The following PPP2R2C variants were observed in gnomAD, a reference collection of about 807,000 sequenced individuals.
PPP2R2C encodes protein phosphatase 2 regulatory subunit Bgamma, also known as protein phosphatase 2, regulatory subunit B, gamma.
PPP2R2C carries 10 observed loss-of-function variants against 45.3 expected under a neutral mutation model. The observed-to-expected ratio is 0.22, with a 90% CI of 0.14 to 0.37. The LOEUF is 0.37. PPP2R2C is among the 10% of genes least tolerant of loss of function. PPP2R2C has a pLI of 1.00. For synonymous variants in PPP2R2C, 257 were observed against 245.4 expected (o/e 1.05, Z -0.44); for missense variants, 308 against 619.7 (o/e 0.50, Z 5.34).
At chr4:6,379,085 C>G (rs545546474) in intron 2 of PPP2R2C, among the ~76,000 whole-genome samples, 2 of 152,074 alleles carry the variant, frequency 1.3e-5, no homozygotes, top group African/African-American at 4.8e-5. Flanking sequence ...CTGGATTCCA[C>G]GTGTCCAACT....
At chr4:6,417,160 C>T (rs943430849) in intron 1 of PPP2R2C, among the ~76,000 whole-genome samples, 1 of 152,172 alleles carries the variant, frequency 6.6e-6, no homozygotes, top group South Asian at 2.1e-4. Context: ...ACGGGTCCAG[C>T]CCCTGGGCGG....
chr4:6,528,093 T>G (rs1270083072), intron 2 of PPP2R2C, among the ~76,000 whole-genome samples: 2 of 152,248 alleles, frequency 1.3e-5, no homozygotes, highest in Non-Finnish European at 2.9e-5. Flanking sequence ...CGGGGCCCTG[T>G]GTGACCACCT....
chr4:6,464,711 C>T (rs1252978296), intron 1 of PPP2R2C, among the ~76,000 whole-genome samples: 1 of 152,120 alleles, frequency 6.6e-6, no homozygotes, highest in African/African-American at 2.4e-5. Flanking sequence ...CAATGTGTGT[C>T]AACAACATTA....
rs1214385056 is a variant in PPP2R2C, at chr4:6,381,007, C to T, written c.158G>A (p.Arg53Gln). 4.5e-6 allele frequency: 7 copies of T among 1,541,870 alleles called. No individual in the cohort carries two copies. The highest frequency in any genetic ancestry group is 3.5e-6 in the Non-Finnish European group (4 of 1,139,268). The change falls in exon 2 of 9, where the codon CGG becomes CAG. Residue 53 changes from arginine to glutamine, a missense_variant. Coordinates refer to ENST00000382599, the MANE Select transcript of PPP2R2C (RefSeq NM_020416.4). ...CCCAGGGCTTCGCACCTCTGGTTCC[C>T]GCTGGAAGATGACGACCCGGCCGCC... ...DKGGRVVIFQREPESKNAPHS... is the reference protein window; with the variant it reads ...DKGGRVVIFQQEPESKNAPHS...
chr4:6,481,398 A>AT (rs1577214238), intron 2 of PPP2R2C, among the ~76,000 whole-genome samples: 2 of 152,314 alleles, frequency 1.3e-5, no homozygotes, highest in East Asian at 3.9e-4. Context: ...TATCCAAATC[A>AT]TTCATTGAAT....
At chr4:6,346,525 T>C (rs1219241266) in intron 6 of PPP2R2C, among the ~76,000 whole-genome samples, 1 of 152,040 alleles carries the variant, frequency 6.6e-6, no homozygotes, top group Admixed American at 6.5e-5. Context: ...TCACTGTCTG[T>C]CTCCCCCGCA....
intron 1 of PPP2R2C, among the ~76,000 whole-genome samples, chr4:6,420,371 T>G (rs1035055597): frequency 4.0e-5 from 6 of 150,826 alleles, no homozygotes; most frequent in African/African-American, 1.5e-4. Context: ...CCCCCACCTG[T>G]CCCGTTCTAT....
chr4:6,402,563 C>G (rs955048232), intron 1 of PPP2R2C, among the ~76,000 whole-genome samples: 1 of 152,176 alleles, frequency 6.6e-6, no homozygotes, highest in East Asian at 1.9e-4. Flanking sequence ...TAGACATGTC[C>G]TATGGGACCG....
At chr4:6,455,742 C>G (rs1720987646) in intron 1 of PPP2R2C, among the ~76,000 whole-genome samples, 1 of 152,226 alleles carries the variant, frequency 6.6e-6, no homozygotes, top group Admixed American at 6.5e-5. Flanking sequence ...CTGCCAGGAT[C>G]TGCAAGACTG....
chr4:6,561,547 C>T (rs1330664251), intron 1 of PPP2R2C, among the ~76,000 whole-genome samples: 1 of 152,138 alleles, frequency 6.6e-6, no homozygotes, highest in Non-Finnish European at 1.5e-5. Context: ...TTCCAAGATG[C>T]TGGTGATCAT....
intron 1 of PPP2R2C, among the ~76,000 whole-genome samples, chr4:6,390,117 C>A (rs1202530490): frequency 2.0e-5 from 3 of 152,136 alleles, no homozygotes; most frequent in Non-Finnish European, 4.4e-5. Flanking sequence ...GCCAGGGATG[C>A]AGCTTTTACC....
intron 1 of PPP2R2C, among the ~76,000 whole-genome samples, chr4:6,422,376 A>G (rs1235900578): frequency 6.6e-6 from 1 of 152,158 alleles, no homozygotes. Flanking sequence ...CCGGCAAACG[A>G]GTTCACCTCT....
chr4:6,430,989 G>A (rs1424716483), intron 1 of PPP2R2C, among the ~76,000 whole-genome samples: 1 of 152,142 alleles, frequency 6.6e-6, no homozygotes, highest in Non-Finnish European at 1.5e-5. Context: ...GTTGGAAGAT[G>A]TTTATCAGTG....
At chr4:6,500,639 G>A (rs930642018) in intron 2 of PPP2R2C, among the ~76,000 whole-genome samples, 5 of 152,196 alleles carry the variant, frequency 3.3e-5, no homozygotes, top group Admixed American at 3.3e-4. Flanking sequence ...TGCTTTCATG[G>A]TTGTGTGTGA....
At chr4:6,366,936 T>C (rs1366736171) in intron 5 of PPP2R2C, among the ~76,000 whole-genome samples, 2 of 152,018 alleles carry the variant, frequency 1.3e-5, no homozygotes, top group Admixed American at 1.3e-4. Context: ...GACCAGAGGT[T>C]CCGATGAGCC....
intron 2 of PPP2R2C, among the ~76,000 whole-genome samples, chr4:6,513,951 T>G (rs1363845033): frequency 6.6e-6 from 1 of 152,208 alleles, no homozygotes; most frequent in Non-Finnish European, 1.5e-5. Flanking sequence ...TGGAAATAAA[T>G]TAAATCAACA....
intron 5 of PPP2R2C, among the ~76,000 whole-genome samples, chr4:6,354,729 A>C (rs1712986537): frequency 6.7e-6 from 1 of 150,186 alleles, no homozygotes; most frequent in Admixed American, 6.7e-5. Context: ...GTCCAGAGAC[A>C]GGCTCAGAGG....
intron 1 of PPP2R2C, 136 bp downstream of exon 1, chr4:6,472,024 G>GTGGGA (rs1560572986): frequency 2.8e-6 from 3 of 1,074,968 alleles, no homozygotes; most frequent in Non-Finnish European, 3.9e-6. Context: ...GTGGGGTGGG[G>GTGGGA]TGGGATGGGG....
intron 1 of PPP2R2C, among the ~76,000 whole-genome samples, chr4:6,407,538 G>C (rs1258631749): frequency 2.6e-5 from 4 of 152,146 alleles, no homozygotes; most frequent in African/African-American, 9.7e-5. Context: ...GGGACAACAG[G>C]CACCCGCCAC....
Sources: allele counts gnomAD v4.1 joint callset (sites outside exome capture counted in the v4.1 genomes callset), GRCh38; gene constraint gnomAD v4.1.1; transcripts MANE v1.5; gene names NCBI Gene and HGNC (gene_info 2026-07-23, HGNC 2026-07-21).